HELZ: variants seen among roughly 807,000 people sequenced by gnomAD.
HELZ encodes the protein helicase with zinc finger.
Under a neutral mutation model 218.2 loss-of-function variants are expected in HELZ, and 23 were observed. That is an observed-to-expected ratio of 0.11 (90% CI 0.08 to 0.15). The LOEUF is 0.15. HELZ is among the 10% of genes least tolerant of loss of function. The pLI, the probability that HELZ is intolerant of heterozygous loss-of-function variation, is 1.00. For synonymous variants in HELZ, 814 were observed against 829.4 expected (o/e 0.98, Z 0.32); for missense variants, 1,813 against 2,353.7 (o/e 0.77, Z 4.75).
chr17:67,114,304 A>T lies in HELZ; in HGVS notation c.3918+20T>A, dbSNP rs2037365845. On this transcript the variant is annotated intron_variant, in intron 28 of 32. Transcript: ENST00000358691. ...ATCAGACTAAATCCACTAGGACAACACAGTAACTAAGCAGCATACCTGTTT... is the reference window on the plus strand; with the variant it reads ...ATCAGACTAAATCCACTAGGACAACTCAGTAACTAAGCAGCATACCTGTTT... 1 of 1,537,652 alleles carries T rather than the reference A, an allele frequency of 6.5e-7. No homozygotes were observed. Among genetic ancestry groups the T allele is most frequent in the Admixed American group, 1.7e-5 (1 of 59,898 alleles).
At chr17:67,240,912 A>T (rs1182700159) in intron 2 of HELZ, among the ~76,000 whole-genome samples, 2 of 152,224 alleles carry the variant, frequency 1.3e-5, no homozygotes, top group African/African-American at 4.8e-5. Context: ...TATTACATGT[A>T]TATATAAATA....
chr17:67,171,795 C>T (rs2039318281), intron 13 of HELZ, among the ~76,000 whole-genome samples: 1 of 151,880 alleles, frequency 6.6e-6, no homozygotes, highest in South Asian at 2.1e-4. Context: ...ATCCTGTTTC[C>T]TTTAACCAAA....
At chr17:67,190,114 T>C (rs763839626) in intron 10 of HELZ, 43 bp downstream of exon 10, 11 of 1,524,458 alleles carry the variant, frequency 7.2e-6, no homozygotes, top group South Asian at 5.6e-5. Flanking sequence ...CTCAAGTTCA[T>C]TGTTTAAGAC....
At chr17:67,229,253 C>A (rs530604508) in intron 3 of HELZ, among the ~76,000 whole-genome samples, 14 of 152,142 alleles carry the variant, frequency 9.2e-5, no homozygotes, top group African/African-American at 1.2e-4. Context: ...ACCTCACTTG[C>A]CCATCACCCC....
rs1203295255 is a variant in HELZ, at chr17:67,243,993, T to G, written c.-131-154A>C. ...TGTGCAGCTTTGCAAATGAGTCTGG[T>G]TTTTGACCTTAAAACATTTCCTTTC... On this transcript the variant is annotated intron_variant, in intron 1 of 32. Transcript: ENST00000358691. 4 of 984,750 alleles carry G rather than the reference T, an allele frequency of 4.1e-6. No homozygotes were observed. In the African/African-American group the frequency reaches 5.2e-5, roughly 13 times the overall value. 61.0% of individuals were successfully genotyped at this position (984,750 alleles called of 1,614,324 possible). A position where few individuals can be genotyped will look rare whatever the true frequency, so the allele number is the denominator to read the frequency against.
intron 31 of HELZ, among the ~76,000 whole-genome samples, chr17:67,091,596 G>A (rs975542028): frequency 6.6e-6 from 1 of 152,118 alleles, no homozygotes; most frequent in African/African-American, 2.4e-5. Flanking sequence ...GACATCATCT[G>A]ATCACTGAAA....
chr17:67,085,551 A>C (rs1328095422), intron 32 of HELZ, among the ~76,000 whole-genome samples: 1 of 91,906 alleles, frequency 1.1e-5, no homozygotes, highest in African/African-American at 6.2e-5. Context: ...AAAGCTTTTA[A>C]ATGTTTTTTT....
chr17:67,122,842 AAG>A (rs1192071214), intron 26 of HELZ, 126 bp downstream of exon 26: 2 of 614,900 alleles, frequency 3.3e-6, no homozygotes, highest in Non-Finnish European at 5.6e-6. Context: ...TTTGCTTTAA[AAG>A]AAGATTATCA....
intron 32 of HELZ, among the ~76,000 whole-genome samples, 192 bp downstream of exon 32, chr17:67,086,637 T>A (rs4790892): frequency 0.023 from 1,658 of 72,166 alleles, 20 homozygotes; most frequent in African/African-American, 0.044. Flanking sequence ...TATAAATATA[T>A]ATATATATAT....
intron 5 of HELZ, among the ~76,000 whole-genome samples, chr17:67,215,417 C>T (rs1001312804): frequency 7.4e-5 from 11 of 148,046 alleles, no homozygotes; most frequent in Non-Finnish European, 1.5e-4. Context: ...GCTGTGATAT[C>T]GGCTCACTGC....
chr17:67,135,924 C>T lies in HELZ; in HGVS notation c.3182+46G>A, dbSNP rs2143940122. ...TAAATATACACATAGGGATACAAAT[C>T]ATGTCACATTTCCCCTTTAATGTCT... is the stretch of plus-strand genomic sequence containing the variant. On this transcript the variant is annotated intron_variant, in intron 23 of 32. Coordinates refer to ENST00000358691, the MANE Select transcript of HELZ (RefSeq NM_014877.4). 6 of 1,443,032 alleles carry T rather than the reference C, an allele frequency of 4.2e-6. No homozygotes were observed. The South Asian group carries it at 7.3e-5, about 18-fold the overall frequency. 89.4% of individuals were successfully genotyped at this position (1,443,032 alleles called of 1,614,324 possible).
chr17:67,201,886 G>A (rs1201005429), intron 6 of HELZ, among the ~76,000 whole-genome samples: 2 of 151,990 alleles, frequency 1.3e-5, no homozygotes, highest in East Asian at 3.9e-4. Context: ...TTATGAATCT[G>A]GTGAAATCAA....
chr17:67,093,849 A>G (rs918407658), intron 31 of HELZ, among the ~76,000 whole-genome samples: 1 of 152,220 alleles, frequency 6.6e-6, no homozygotes, highest in Non-Finnish European at 1.5e-5. Flanking sequence ...TACAATTTCT[A>G]AAGTAATTTT....
intron 18 of HELZ, 116 bp downstream of exon 18, chr17:67,150,926 CTTTA>C (rs2038662800): frequency 1.3e-6 from 1 of 781,640 alleles, no homozygotes; most frequent in African/African-American, 1.7e-5. Context: ...GCCAGTAAAA[CTTTA>C]TTTACAAAAA....
intron 17 of HELZ, among the ~76,000 whole-genome samples, chr17:67,151,648 T>C (rs2038687086): frequency 6.6e-6 from 1 of 152,240 alleles, no homozygotes; most frequent in Non-Finnish European, 1.5e-5. Context: ...AAACAGTGAA[T>C]TGCATACTTA....
At chr17:67,226,215 C>T (rs2040885383) in intron 3 of HELZ, among the ~76,000 whole-genome samples, 1 of 146,668 alleles carries the variant, frequency 6.8e-6, no homozygotes. Flanking sequence ...GCCGAGATCG[C>T]ACCACTGCAC....
At chr17:67,147,546 T>C (rs1230954749) in intron 20 of HELZ, among the ~76,000 whole-genome samples, 1 of 152,066 alleles carries the variant, frequency 6.6e-6, no homozygotes. Flanking sequence ...GGCATGATCA[T>C]GGCTCACTGA....
At chr17:67,109,707 T>C in intron 28 of HELZ, 21 bp from the exon 29 acceptor site, 1 of 1,557,282 alleles carries the variant, frequency 6.4e-7, no homozygotes, top group Non-Finnish European at 8.8e-7. Context: ...AGAAGAAGCC[T>C]TTTTTAACTG....
rs1437455928 is a variant in HELZ at position 67,190,432 on chromosome 17, CTGATTCTTCAATAAAAACAAAACTTCA to C, written c.558-104_558-78del. ...AAAATAAACTCCCAGCATTTGCCCT[CTGATTCTTCAATAAAAACAAAACTTCA>C]TGTGCTGAAAGGCCATATTTATCGT... is the stretch of plus-strand genomic sequence containing the variant. On this transcript the variant is annotated intron_variant, in intron 9 of 32. Coordinates refer to ENST00000358691, the MANE Select transcript of HELZ (RefSeq NM_014877.4). 2.1e-5 allele frequency: 23 copies of C among 1,102,478 alleles called. No homozygotes were observed. The African/African-American group carries it at 3.6e-4, about 17-fold the overall frequency. 68.3% of individuals were successfully genotyped at this position (1,102,478 alleles called of 1,614,324 possible).
Sources: allele counts gnomAD v4.1 joint callset (sites outside exome capture counted in the v4.1 genomes callset), GRCh38; gene constraint gnomAD v4.1.1; transcripts MANE v1.5; gene names NCBI Gene and HGNC (gene_info 2026-07-23, HGNC 2026-07-21).